Variants in SCML4 observed in about 807,000 individuals in gnomAD.
SCML4 encodes Scm polycomb group protein like 4.
In SCML4, 34 loss-of-function variants were observed where a neutral mutation model predicts 41.1. The observed-to-expected ratio is 0.83, with a 90% confidence interval of 0.63 to 1.10. The LOEUF is 1.10. Among genes scored for constraint, SCML4 ranks in the 50% least tolerant of loss-of-function variants. The pLI, the probability that SCML4 is intolerant of heterozygous loss-of-function variation, is 0.00. For missense variants in SCML4, 522 were observed against 534.1 expected (o/e 0.98, Z 0.22); for synonymous variants, 214 against 220.9 (o/e 0.97, Z 0.28).
the SCML4 span, among the ~76,000 whole-genome samples, chr6:107,845,081 C>CA: frequency 6.6e-6 from 1 of 151,942 alleles, no homozygotes; most frequent in East Asian, 1.9e-4. Context: ...ATTAAAAGTA[C>CA]AAAAAATTAG....
At chr6:107,746,026 A>AAATAAATAAATAAAT (rs1401170976) in intron 4 of SCML4, 12 of 148,940 alleles carry the variant, frequency 8.1e-5, no homozygotes, top group African/African-American at 3.0e-4. Flanking sequence ...ATAAATAAAT[A>AAATAAATAAATAAAT]AAAGAATGGA....
At position 107,744,902 on chromosome 6, in the gene SCML4, G is replaced by C. The variant is rs757099860; in HGVS notation, c.682+47C>G. The C allele has an allele frequency of 2.6e-5, 37 of 1,442,662 alleles. No individual in the cohort carries two copies. The Admixed American group carries it at 7.0e-4, about 27-fold the overall frequency. The allele number at this position is 1,442,662 out of a possible 1,614,324, so 89.4% of individuals were successfully genotyped here. ...CATAGTGGAAGGGCAGAGACACCTG[G>C]GACAGGGAGGTGTCCCTGCAGGTGG... On this transcript the variant is annotated intron_variant, in intron 5 of 7. Transcript: ENST00000369020.
intron 1 of SCML4, among the ~76,000 whole-genome samples, chr6:107,821,457 T>A (rs769986570): frequency 6.6e-6 from 1 of 152,220 alleles, no homozygotes; most frequent in Admixed American, 6.5e-5. Flanking sequence ...GAAAGAAGCT[T>A]GTGTGATCAC....
Position 107,743,498 on chromosome 6 carries a change from A to C in SCML4, c.682+1451T>G, listed in dbSNP as rs574400104. On this transcript the variant is annotated intron_variant, in intron 5 of 7. Transcript: ENST00000369020. ...TCATTGCAACACTCACTAGAAGATA[A>C]ATAGTTTAAGAATATGTTTGTGAGT... Among the ~76,000 whole-genome samples the C allele has an allele frequency of 4.6e-5, 7 of 152,332 alleles. No individual in the cohort carries two copies. The South Asian group carries it at 1.5e-3, about 32-fold the overall frequency.
intron 2 of SCML4, among the ~76,000 whole-genome samples, chr6:107,766,354 T>G (rs952205231): frequency 7.1e-6 from 1 of 140,196 alleles, no homozygotes; most frequent in Non-Finnish European, 1.5e-5. Context: ...TGGGCAATAA[T>G]GTGAGACTCC....
At chr6:107,756,336 G>A (rs80023423) in intron 2 of SCML4, among the ~76,000 whole-genome samples, 2,312 of 152,230 alleles carry the variant, frequency 0.015, 27 homozygotes, top group South Asian at 0.032. Flanking sequence ...AAAATGCCAC[G>A]TCACCTCTGG....
chr6:107,845,920 G>A, the SCML4 span, among the ~76,000 whole-genome samples: 1 of 152,336 alleles, frequency 6.6e-6, no homozygotes, highest in African/African-American at 2.4e-5. Context: ...AATCTGTGGG[G>A]AATGTTCCAG....
chr6:107,842,558 C>T, the SCML4 span, among the ~76,000 whole-genome samples: 28 of 152,280 alleles, frequency 1.8e-4, no homozygotes, highest in African/African-American at 6.7e-4. Flanking sequence ...CCACCACGCC[C>T]AGCTAATTTT....
intron 1 of SCML4, among the ~76,000 whole-genome samples, chr6:107,823,014 T>A (rs937246677): frequency 2.7e-5 from 4 of 146,998 alleles, no homozygotes; most frequent in Non-Finnish European, 3.0e-5. Context: ...TATTTTGCTT[T>A]AAAAAAAAAA....
the SCML4 span, among the ~76,000 whole-genome samples, chr6:107,844,445 C>T: frequency 6.6e-6 from 1 of 152,246 alleles, no homozygotes; most frequent in Admixed American, 6.5e-5. Context: ...TGCCTGTAAT[C>T]CCAACACGCT....
intron 5 of SCML4, among the ~76,000 whole-genome samples, chr6:107,735,015 A>G (rs1199306501): frequency 6.6e-6 from 1 of 152,078 alleles, no homozygotes; most frequent in African/African-American, 2.4e-5. Flanking sequence ...AACTGTGATT[A>G]CAGGCATCCA....
chr6:107,801,443 A>C (rs1783115529), intron 1 of SCML4, among the ~76,000 whole-genome samples: 1 of 151,534 alleles, frequency 6.6e-6, no homozygotes, highest in Non-Finnish European at 1.5e-5. Context: ...CCTGCCCCCC[A>C]CCCCAGGTAT....
rs79328722 is a variant in SCML4 at position 107,741,757 on chromosome 6, A to G, written c.682+3192T>C. ...CAAACCTGGGCTTAAGGTGCCATGT[A>G]GAGCCAAAAAACCAAAGACAGTGAC... On this transcript the variant is annotated intron_variant, in intron 5 of 7. Coordinates refer to ENST00000369020, the MANE Select transcript of SCML4 (RefSeq NM_198081.5). 4.3e-3 allele frequency among the ~76,000 whole-genome samples: 653 copies of G among 152,376 alleles called. 10 individuals are homozygous for G. The East Asian group carries it at 0.063, about 15-fold the overall frequency.
intron 5 of SCML4, among the ~76,000 whole-genome samples, chr6:107,735,396 G>A (rs1445918066): frequency 6.6e-6 from 1 of 152,194 alleles, no homozygotes; most frequent in Non-Finnish European, 1.5e-5. Flanking sequence ...GCATCTGCAG[G>A]AACGCACCTC....
chr6:107,755,598 C>A, intron 2 of SCML4: 1 of 1,347,648 alleles, frequency 7.4e-7, no homozygotes, highest in Non-Finnish European at 9.9e-7. Flanking sequence ...GGGGGGTTCT[C>A]TGCCTGTCGC....
chr6:107,820,661 G>A (rs1479884551), intron 1 of SCML4, among the ~76,000 whole-genome samples: 1 of 152,118 alleles, frequency 6.6e-6, no homozygotes. Flanking sequence ...AAACCAAGAC[G>A]AGTGCAACAA....
chr6:107,829,093 C>T (rs2114333140), upstream of SCML4, among the ~76,000 whole-genome samples: 1 of 152,144 alleles, frequency 6.6e-6, no homozygotes, highest in Admixed American at 6.5e-5. Flanking sequence ...TAATGATTTA[C>T]AAAATATAAG....
chr6:107,825,325 C>T (rs1047860988), upstream of SCML4, among the ~76,000 whole-genome samples: 6 of 152,292 alleles, frequency 3.9e-5, no homozygotes, highest in Admixed American at 1.3e-4. Flanking sequence ...CCAGGGCTAA[C>T]GAAGGCTTAG....
chr6:107,711,697 T>C (rs1774235882), intron 6 of SCML4, among the ~76,000 whole-genome samples: 1 of 152,196 alleles, frequency 6.6e-6, no homozygotes, highest in Admixed American at 6.5e-5. Context: ...GTGTGTAATC[T>C]TTACTTCTAT....
Sources: gnomAD v4.1 joint callset for allele counts (sites outside exome capture counted in the v4.1 genomes callset) on GRCh38, gnomAD v4.1.1 for gene constraint, MANE v1.5 for transcripts, NCBI Gene and HGNC (gene_info 2026-07-23, HGNC 2026-07-21) for gene names.